The following CMIP variants were observed in gnomAD, a reference collection of about 807,000 sequenced individuals.
The protein encoded by CMIP is c-Maf inducing protein.
Under a neutral mutation model 97.3 loss-of-function variants are expected in CMIP, and 13 were observed. The ratio of observed to expected loss-of-function variants is 0.13; its 90% CI spans 0.09 to 0.21. CMIP has a LOEUF of 0.21. Among genes scored for constraint, CMIP ranks in the 10% least tolerant of loss-of-function variants. CMIP has a pLI of 1.00. For synonymous variants in CMIP, 538 were observed against 436.3 expected, an observed-to-expected ratio of 1.23 and a Z score of -2.91; for missense variants, 847 against 1,024.9, an observed-to-expected ratio of 0.83 and a Z score of 2.37.
At chr16:81,644,338 A>C (rs1006771937) in intron 3 of CMIP, among the ~76,000 whole-genome samples, 3 of 152,024 alleles carry the variant, frequency 2.0e-5, no homozygotes, top group Non-Finnish European at 4.4e-5. Context: ...TGTGACATGG[A>C]TTGTGTGGGC....
intron 1 of CMIP, among the ~76,000 whole-genome samples, chr16:81,581,693 C>T (rs905557858): frequency 2.0e-5 from 3 of 152,108 alleles, no homozygotes; most frequent in Non-Finnish European, 2.9e-5. Flanking sequence ...TATCCTTATT[C>T]CTCACCATAA....
intron 20 of CMIP, among the ~76,000 whole-genome samples, chr16:81,707,730 T>A (rs1245812422): frequency 6.6e-6 from 1 of 152,182 alleles, no homozygotes; most frequent in African/African-American, 2.4e-5. Context: ...TTGGGAAGGT[T>A]GGAGGAGCCA....
chr16:81,672,084 C>T lies in CMIP; in HGVS notation c.1034+14C>T. 6.7e-7 allele frequency: 1 copy of T among 1,485,696 alleles called. No homozygotes were observed. Among genetic ancestry groups the T allele is most frequent in the African/African-American group, 1.4e-5 (1 of 72,400 alleles). 92.0% of individuals were successfully genotyped at this position (1,485,696 alleles called of 1,614,324 possible). A position where few individuals can be genotyped will look rare whatever the true frequency, so the allele number is the denominator to read the frequency against. ...GTTCATCAACAGGTCAGTTGCTGAA[C>T]CACCGCCACCCAGAGGGCTTGGGAG... On this transcript the variant is annotated intron_variant, in intron 9 of 20. Transcript: ENST00000537098.
chr16:81,673,695 G>T (rs564418313), intron 9 of CMIP, among the ~76,000 whole-genome samples: 1 of 152,138 alleles, frequency 6.6e-6, no homozygotes, highest in Non-Finnish European at 1.5e-5. Flanking sequence ...CCCATCCCTC[G>T]CTGGCTGAGA....
chr16:81,580,307 A>G (rs2091274252), intron 1 of CMIP, among the ~76,000 whole-genome samples: 1 of 152,184 alleles, frequency 6.6e-6, no homozygotes, highest in Non-Finnish European at 1.5e-5. Context: ...TGTTTGTGAC[A>G]TGGTGAGCTA....
chr16:81,655,533 G>A lies in CMIP; in HGVS notation c.640-2242G>A, dbSNP rs79660121. Among the ~76,000 whole-genome samples the A allele has an allele frequency of 1.4e-3, 212 of 152,306 alleles. No homozygotes were observed. Among genetic ancestry groups the A allele is most frequent in the African/African-American group, 4.1e-3 (170 of 41,572 alleles). On this transcript the variant is annotated intron_variant, in intron 4 of 20. Coordinates refer to ENST00000537098, the MANE Select transcript of CMIP (RefSeq NM_198390.3). The surrounding 1 kb of genome is among the most constrained non-coding windows in gnomAD (Gnocchi z 4.9). Reference sequence around the variant, plus strand: ...TTGGTGGACATGCTCTACCAGGGGTGGAAAATGGCCCTGGGGGAGAGAAGG... The same window carrying A: ...TTGGTGGACATGCTCTACCAGGGGTAGAAAATGGCCCTGGGGGAGAGAAGG...
chr16:81,603,461 C>T (rs1256924504), intron 1 of CMIP: 1 of 454,544 alleles, frequency 2.2e-6, no homozygotes, highest in Non-Finnish European at 4.4e-6. Flanking sequence ...CCCCAGAGTT[C>T]TCACACATCC....
chr16:81,472,987 C>T (rs760538756), intron 1 of CMIP, among the ~76,000 whole-genome samples: 11 of 152,324 alleles, frequency 7.2e-5, no homozygotes, highest in East Asian at 1.9e-4. Context: ...AGAGCCTGTT[C>T]GCCTTGCATC....
rs1008323521 is a variant in CMIP at position 81,445,520 on chromosome 16, C to T, written c.279C>T (p.Asp93=). 6.5e-7 allele frequency: 1 copy of T among 1,549,746 alleles called. No homozygotes were observed. Among genetic ancestry groups the T allele is most frequent in the Non-Finnish European group, 8.7e-7 (1 of 1,146,982 alleles). ...AGCCGCACCACCTAACGCTGGCCGA[C>T]AACAGCCTGGCGTCCGCCACGGTGA... The part of the protein sequence containing the change: ...RWEPHHLTLA[D]NSLASATPTG... The change falls in exon 1 of 21, where the codon GAC becomes GAT. Residue 93 remains aspartate, a synonymous_variant. Transcript: ENST00000537098.
At chr16:81,660,050 C>T (rs1227299029) in intron 5 of CMIP, among the ~76,000 whole-genome samples, 1 of 152,028 alleles carries the variant, frequency 6.6e-6, no homozygotes, top group Non-Finnish European at 1.5e-5. Flanking sequence ...TTTATTCATT[C>T]CATTGGCCAG....
rs2927305 is a variant in CMIP, at chr16:81,512,298, T to C, written c.300+66757T>C. Among the ~76,000 whole-genome samples, 72 of 151,860 alleles carry C rather than the reference T, an allele frequency of 4.7e-4. No homozygotes were observed. In the South Asian group the frequency reaches 9.6e-3, roughly 20 times the overall value. On this transcript the variant is annotated intron_variant, in intron 1 of 20. Transcript: ENST00000537098. Reference sequence around the variant, plus strand: ...CACTCCAGGGTCCCTCATGCCTTGGTGGGGGTCTTTCTTGCTGTGGTTGAT... The same window carrying C: ...CACTCCAGGGTCCCTCATGCCTTGGCGGGGGTCTTTCTTGCTGTGGTTGAT...
chr16:81,601,064 G>A (rs1325352890), intron 1 of CMIP, among the ~76,000 whole-genome samples: 1 of 152,138 alleles, frequency 6.6e-6, no homozygotes, highest in Non-Finnish European at 1.5e-5. Flanking sequence ...GGAGAGAGGG[G>A]ACTTGACTCC....
chr16:81,647,145 C>T (rs2092372705), intron 3 of CMIP, among the ~76,000 whole-genome samples: 1 of 152,226 alleles, frequency 6.6e-6, no homozygotes, highest in Admixed American at 6.5e-5. Flanking sequence ...CTATTACAGC[C>T]ATCCTCGTAG....
At chr16:81,498,738 A>G (rs2089540911) in intron 1 of CMIP, among the ~76,000 whole-genome samples, 1 of 152,106 alleles carries the variant, frequency 6.6e-6, no homozygotes, top group African/African-American at 2.4e-5. Flanking sequence ...GGCGTCATGT[A>G]TACACACAGT....
At chr16:81,553,281 T>C (rs1053783557) in intron 1 of CMIP, among the ~76,000 whole-genome samples, 1 of 152,164 alleles carries the variant, frequency 6.6e-6, no homozygotes, top group Non-Finnish European at 1.5e-5. Context: ...GCCTGGGCAC[T>C]GGAGCAGGCC....
chr16:81,582,625 G>C (rs1238240580), intron 1 of CMIP, among the ~76,000 whole-genome samples: 1 of 152,096 alleles, frequency 6.6e-6, no homozygotes, highest in African/African-American at 2.4e-5. Flanking sequence ...CCAGAATCCA[G>C]GTAGAGAAGT....
chr16:81,459,687 C>T (rs911407036), intron 1 of CMIP, among the ~76,000 whole-genome samples: 1 of 152,224 alleles, frequency 6.6e-6, no homozygotes, highest in African/African-American at 2.4e-5. Flanking sequence ...TGAGCACACC[C>T]GTGGGGTAAA....
intron 2 of CMIP, among the ~76,000 whole-genome samples, chr16:81,610,044 C>T (rs2091805616): frequency 6.6e-6 from 1 of 152,120 alleles, no homozygotes; most frequent in Admixed American, 6.5e-5. Flanking sequence ...TGAAACATTC[C>T]AGTTGGAGGA....
intron 1 of CMIP, among the ~76,000 whole-genome samples, chr16:81,466,454 G>C (rs972314296): frequency 7.9e-5 from 12 of 152,170 alleles, no homozygotes; most frequent in Non-Finnish European, 1.6e-4. Context: ...TCTTAGCTCT[G>C]CCACTTACTA....
Sources: allele counts gnomAD v4.1 joint callset (sites outside exome capture counted in the v4.1 genomes callset), GRCh38; gene constraint gnomAD v4.1.1; non-coding constraint Gnocchi (gnomAD v3.1); transcripts MANE v1.5; gene names NCBI Gene and HGNC (gene_info 2026-07-23, HGNC 2026-07-21).